The following ZNF532 variants were observed in gnomAD, a reference collection of about 807,000 sequenced individuals.
ZNF532 encodes the protein zinc finger protein 532.
ZNF532 carries 22 observed loss-of-function variants against 89.3 expected under a neutral mutation model. The ratio of observed to expected loss-of-function variants is 0.25; its 90% CI spans 0.18 to 0.35. The LOEUF is 0.35. Among genes scored for constraint, ZNF532 ranks in the 10% least tolerant of loss-of-function variants. The pLI is 1.00. For missense variants in ZNF532, 1,132 were observed against 1,643.4 expected, an observed-to-expected ratio of 0.69 and a Z score of 5.38; for synonymous variants, 606 against 649.6, an observed-to-expected ratio of 0.93 and a Z score of 1.02.
At chr18:58,969,206 G>A (rs1204266587) in intron 7 of ZNF532, among the ~76,000 whole-genome samples, 4 of 152,140 alleles carry the variant, frequency 2.6e-5, no homozygotes, top group Non-Finnish European at 4.4e-5. Context: ...CAGCCACCTC[G>A]AGTTGTGAGT....
chr18:58,883,796 A>C (rs2083509417), intron 2 of ZNF532, among the ~76,000 whole-genome samples: 1 of 152,164 alleles, frequency 6.6e-6, no homozygotes, highest in South Asian at 2.1e-4. Flanking sequence ...AAGTTAGAAC[A>C]ACCAAAATGT....
intron 7 of ZNF532, among the ~76,000 whole-genome samples, chr18:58,976,641 T>G (rs558987963): frequency 6.6e-6 from 1 of 152,258 alleles, no homozygotes; most frequent in African/African-American, 2.4e-5. Context: ...ACTGCAATTC[T>G]TCTGCCCCAG....
At chr18:58,881,680 T>C (rs1431441392) in intron 2 of ZNF532, among the ~76,000 whole-genome samples, 4 of 152,230 alleles carry the variant, frequency 2.6e-5, no homozygotes, top group African/African-American at 9.6e-5. Context: ...ATAGGTGTCA[T>C]TTTTATAGCT....
intron 7 of ZNF532, among the ~76,000 whole-genome samples, chr18:58,954,799 A>C (rs1306607981): frequency 1.4e-5 from 2 of 144,356 alleles, no homozygotes; most frequent in Admixed American, 1.4e-4. Context: ...TGCAATCTCT[A>C]CCTCCTGGGT....
intron 2 of ZNF532, among the ~76,000 whole-genome samples, chr18:58,901,268 C>G (rs188638065): frequency 8.6e-5 from 13 of 152,036 alleles, no homozygotes; most frequent in Non-Finnish European, 1.8e-4. Context: ...TTCTTTTTTT[C>G]TTTTTTAGAG....
intron 3 of ZNF532, among the ~76,000 whole-genome samples, chr18:58,920,879 TGTG>T (rs1030659540): frequency 2.0e-5 from 3 of 151,604 alleles, no homozygotes; most frequent in East Asian, 1.9e-4. Flanking sequence ...TAGCTGGGGA[TGTG>T]GTGGTGGCAG....
chr18:58,879,515 A>G (rs2057714757), intron 2 of ZNF532, among the ~76,000 whole-genome samples: 2 of 152,190 alleles, frequency 1.3e-5, no homozygotes, highest in South Asian at 4.2e-4. Flanking sequence ...CAGCCTCCCA[A>G]GTAGCTGAGA....
intron 7 of ZNF532, among the ~76,000 whole-genome samples, chr18:58,968,924 G>A (rs539162825): frequency 2.0e-5 from 3 of 152,260 alleles, no homozygotes; most frequent in South Asian, 2.1e-4. Context: ...ACATGATTCC[G>A]TCTGTAAATT....
At chr18:58,934,992 G>A (rs2062258297) in intron 4 of ZNF532, among the ~76,000 whole-genome samples, 2 of 152,012 alleles carry the variant, frequency 1.3e-5, no homozygotes, top group South Asian at 2.1e-4. Flanking sequence ...CTTCTCTAAT[G>A]AAAACAGAAA....
chr18:58,872,171 G>T (rs2057039022), intron 2 of ZNF532, among the ~76,000 whole-genome samples: 1 of 152,138 alleles, frequency 6.6e-6, no homozygotes, highest in Non-Finnish European at 1.5e-5. Context: ...CACTCTTTAA[G>T]GATGGTCTTC....
In ZNF532 at chr18:58,882,316, G is replaced by A. The variant is rs534744988; in HGVS notation, c.-18+16737G>A. Among the ~76,000 whole-genome samples the A allele has an allele frequency of 6.6e-5, 10 of 152,308 alleles. No individual in the cohort carries two copies. In the South Asian group the frequency reaches 2.1e-3, roughly 32 times the overall value. On this transcript the variant is annotated intron_variant, in intron 2 of 9. Coordinates refer to ENST00000591808, the MANE Select transcript of ZNF532 (RefSeq NM_001375912.1). ...TAAGTCATCTTGGGTTGATGCAGAG[G>A]TGTGTCTGGAGAGGAAGTACTGCCA...
At chr18:58,982,392 G>A (rs191825922) in intron 9 of ZNF532, among the ~76,000 whole-genome samples, 31 of 150,428 alleles carry the variant, frequency 2.1e-4, no homozygotes, top group African/African-American at 4.4e-4. Flanking sequence ...AAGCTGAGGC[G>A]GGCAGATCAC....
intron 7 of ZNF532, among the ~76,000 whole-genome samples, chr18:58,970,454 C>T (rs914621679): frequency 1.1e-4 from 16 of 152,126 alleles, no homozygotes; most frequent in Non-Finnish European, 4.4e-5. Context: ...GGACAGATGC[C>T]TGCAAGTAGA....
At chr18:58,872,221 G>A (rs1602484054) in intron 2 of ZNF532, among the ~76,000 whole-genome samples, 1 of 150,428 alleles carries the variant, frequency 6.6e-6, no homozygotes, top group Admixed American at 6.6e-5. Flanking sequence ...TCTGTTTTCA[G>A]TCAGTTATTA....
intron 5 of ZNF532, among the ~76,000 whole-genome samples, chr18:58,946,150 C>G (rs1568393039): frequency 6.6e-6 from 1 of 152,148 alleles, no homozygotes; most frequent in Non-Finnish European, 1.5e-5. Context: ...AATCCTATGC[C>G]TTCTCTTTCT....
At chr18:58,928,556 C>T (rs1381927957) in intron 3 of ZNF532, among the ~76,000 whole-genome samples, 4 of 152,164 alleles carry the variant, frequency 2.6e-5, no homozygotes, top group African/African-American at 4.8e-5. Context: ...GGCCAGGAAC[C>T]GAAAGCCTGC....
intron 5 of ZNF532, among the ~76,000 whole-genome samples, chr18:58,947,550 A>G (rs1225273410): frequency 2.0e-5 from 3 of 152,216 alleles, no homozygotes; most frequent in Non-Finnish European, 2.9e-5. Context: ...TTACTGGTGT[A>G]GGGCTTCCTG....
In ZNF532 at chr18:58,959,596, C is replaced by T. The variant is rs554570545; in HGVS notation, c.3150+5797C>T. ...AGATAGATGTGGTCCAGTACTGTGT[C>T]TGTAACTTGGGAAGAGCCTGGGAGA... is the stretch of plus-strand genomic sequence containing the variant. On this transcript the variant is annotated intron_variant, in intron 7 of 9. Transcript: ENST00000591808. 5.3e-5 allele frequency among the ~76,000 whole-genome samples: 8 copies of T among 152,204 alleles called. No individual in the cohort carries two copies. The South Asian group carries it at 1.4e-3, about 28-fold the overall frequency.
chr18:58,876,650 C>G (rs2057455480), intron 2 of ZNF532, among the ~76,000 whole-genome samples: 1 of 152,178 alleles, frequency 6.6e-6, no homozygotes, highest in Non-Finnish European at 1.5e-5. Flanking sequence ...CCCTTTGACA[C>G]TTGTAGTCGG....
Sources: allele counts gnomAD v4.1 joint callset (sites outside exome capture counted in the v4.1 genomes callset), GRCh38; gene constraint gnomAD v4.1.1; transcripts MANE v1.5; gene names NCBI Gene and HGNC (gene_info 2026-07-23, HGNC 2026-07-21).